Variants in CXXC5 observed in about 807,000 individuals in gnomAD.
CXXC5 encodes CXXC-type zinc finger protein 5.
Under a neutral mutation model 17.6 loss-of-function variants are expected in CXXC5, and 2 were observed. The observed-to-expected ratio is 0.11, with a 90% CI of 0.05 to 0.36. The LOEUF is 0.36. Ranked by LOEUF, CXXC5 falls within the 10% of genes least tolerant of loss-of-function variation. The probability of loss-of-function intolerance (pLI) is 1.00; values close to 1 mark genes in which losing one functional copy is unlikely to be tolerated. For synonymous variants in CXXC5, 171 were observed against 193.0 expected, an observed-to-expected ratio of 0.89 and a Z score of 0.94; for missense variants, 343 against 458.3, an observed-to-expected ratio of 0.75 and a Z score of 2.30.
Position 139,655,448 on chromosome 5 carries a change from C to T in CXXC5, c.-161+6603C>T, listed in dbSNP as rs532552913. On this transcript the variant is annotated intron_variant, in intron 1 of 2. Transcript: ENST00000302517. ...TCTGCCTGCCACCCCCCGCCGCCCCCCTGGGCATCCCTGCCGCTGAATTAC... is the reference window on the plus strand; with the variant it reads ...TCTGCCTGCCACCCCCCGCCGCCCCTCTGGGCATCCCTGCCGCTGAATTAC... Among the ~76,000 whole-genome samples the T allele has an allele frequency of 3.3e-5, 5 of 151,194 alleles. No homozygotes were observed. In the East Asian group the frequency reaches 9.8e-4, roughly 30 times the overall value.
chr5:139,671,476 C>T (rs1380636531), intron 1 of CXXC5, among the ~76,000 whole-genome samples: 1 of 152,220 alleles, frequency 6.6e-6, no homozygotes, highest in Non-Finnish European at 1.5e-5. Context: ...GCCCCCACCC[C>T]CCAGGAAACT....
At chr5:139,659,311 A>G (rs1043567803) in intron 1 of CXXC5, among the ~76,000 whole-genome samples, 2 of 152,152 alleles carry the variant, frequency 1.3e-5, no homozygotes, top group African/African-American at 4.8e-5. Flanking sequence ...GGAAAATCCC[A>G]GCTGTTGTCA....
rs371250993 is a variant in CXXC5 at position 139,682,845 on chromosome 5, G to T, written c.925-18G>T. The T allele has an allele frequency of 1.9e-6, 3 of 1,585,634 alleles. No homozygotes were observed. The African/African-American group carries it at 4.1e-5, about 22-fold the overall frequency. On this transcript the variant is annotated intron_variant, in intron 2 of 2. Transcript: ENST00000302517. Reference sequence around the variant, plus strand: ...CTGACTGAACTCTCTCCTTGTTTTTGTCTCCCGCCCCCGCCAGAAGGTGAT... The same window carrying T: ...CTGACTGAACTCTCTCCTTGTTTTTTTCTCCCGCCCCCGCCAGAAGGTGAT...
chr5:139,676,244 CCCA>C (rs1756787968), intron 1 of CXXC5, among the ~76,000 whole-genome samples: 1 of 89,058 alleles, frequency 1.1e-5, no homozygotes, highest in Non-Finnish European at 2.3e-5. Context: ...CACCCTCCTC[CCCA>C]CCTCCTCCAC....
intron 1 of CXXC5, among the ~76,000 whole-genome samples, chr5:139,679,030 G>C (rs781146390): frequency 2.0e-5 from 3 of 152,194 alleles, no homozygotes; most frequent in Non-Finnish European, 4.4e-5. Flanking sequence ...GCCCTGCCCC[G>C]GGATGGGCTG....
chr5:139,655,722 C>T (rs1413827714), intron 1 of CXXC5, among the ~76,000 whole-genome samples: 4 of 151,718 alleles, frequency 2.6e-5, no homozygotes, highest in Non-Finnish European at 4.4e-5. Flanking sequence ...TGCCTGTCCA[C>T]CCCCCAACCA....
Position 139,661,279 on chromosome 5 carries a change from C to G in CXXC5, c.-161+12434C>G, listed in dbSNP as rs1581582494. Among the ~76,000 whole-genome samples the G allele has an allele frequency of 6.6e-6, 1 of 152,198 alleles. No individual in the cohort carries two copies. Among genetic ancestry groups the G allele is most frequent in the East Asian group, 1.9e-4 (1 of 5,188 alleles). On this transcript the variant is annotated intron_variant, in intron 1 of 2. Transcript: ENST00000302517. The surrounding 1 kb of genome is among the most constrained non-coding windows in gnomAD (Gnocchi z 4.7). ...GCTCAGGAGACGTGAGTCACCCCAT[C>G]CCCAGCAGCCCCGAGAGGCCCTGCG...
intron 1 of CXXC5, among the ~76,000 whole-genome samples, chr5:139,660,667 C>T (rs532217881): frequency 6.6e-6 from 1 of 151,662 alleles, no homozygotes; most frequent in South Asian, 2.1e-4. Context: ...GTGGGCTCCT[C>T]AGCCTTCCCC....
Position 139,682,853 on chromosome 5 carries a change from C to G in CXXC5, c.925-10C>G, listed in dbSNP as rs773041071. On this transcript the variant is annotated splice_polypyrimidine_tract_variant and intron_variant, in intron 2 of 2. Coordinates refer to ENST00000302517, the MANE Select transcript of CXXC5 (RefSeq NM_016463.9). Reference sequence around the variant, plus strand: ...ACTCTCTCCTTGTTTTTGTCTCCCGCCCCCGCCAGAAGGTGATGCTTCCGA... The same window carrying G: ...ACTCTCTCCTTGTTTTTGTCTCCCGGCCCCGCCAGAAGGTGATGCTTCCGA... The G allele has an allele frequency of 2.5e-6, 4 of 1,590,940 alleles. No individual in the cohort carries two copies. The highest frequency in any genetic ancestry group is 3.4e-6 in the Non-Finnish European group (4 of 1,168,356).
At position 139,670,970 on chromosome 5, in the gene CXXC5, C is replaced by A. The variant is rs576221381; in HGVS notation, c.-160-9394C>A. ...TCGTCACCATACACACTCCAGCCCC[C>A]TGAGCCCGCTCCCAGGTGCCCAGCA... On this transcript the variant is annotated intron_variant, in intron 1 of 2. Transcript: ENST00000302517. This position sits in a 1 kb window ranked among gnomAD's most constrained non-coding sequence, Gnocchi z 4.2. 2.6e-5 allele frequency among the ~76,000 whole-genome samples: 4 copies of A among 152,346 alleles called. No individual in the cohort carries two copies. The highest frequency in any genetic ancestry group is 4.1e-4 in the South Asian group (2 of 4,830).
Position 139,680,765 on chromosome 5 carries a change from A to G in CXXC5, c.242A>G (p.His81Arg). The G allele has an allele frequency of 6.2e-7, 1 of 1,613,462 alleles. No individual in the cohort carries two copies. Among genetic ancestry groups the G allele is most frequent in the Non-Finnish European group, 8.5e-7 (1 of 1,179,992 alleles). ...CTGCGCCGCTCCCGCCCGCTCTCCCACTACTCTTCTTTTGGCAGCAGTGGT... is the reference window on the plus strand; with the variant it reads ...CTGCGCCGCTCCCGCCCGCTCTCCCGCTACTCTTCTTTTGGCAGCAGTGGT... ...KSLRRSRPLS[H>R]YSSFGSSGGS... Residue 81 changes from histidine to arginine, a missense_variant, in exon 2 of 3, where the codon CAC (histidine) becomes CGC (arginine). This residue lies in a region of CXXC5 where 297 missense variants were observed against 363.4 expected (regional missense o/e 0.82). Transcript: ENST00000302517.
At position 139,681,264 on chromosome 5, in the gene CXXC5, A is replaced by C. The variant is rs552101326; in HGVS notation, c.741A>C (p.Gly247=). 287 of 1,612,494 alleles carry C rather than the reference A, an allele frequency of 1.8e-4. 3 individuals carry two copies. The South Asian group carries it at 3.0e-3, about 17-fold the overall frequency. ...MAGLAEYPMQ[G]ELASAISSGK... The stretch of plus-strand genomic sequence containing the variant: ...GCCTGGCTGAGTACCCCATGCAGGG[A>C]GAGCTGGCCTCTGCCATCAGCTCCG... Residue 247 remains glycine (G), a synonymous_variant, in exon 2 of 3, where the codon GGA becomes GGC. Transcript: ENST00000302517.
At chr5:139,647,629 C>T (rs146782596), upstream of CXXC5, among the ~76,000 whole-genome samples, 1 of 152,152 alleles carries the variant, frequency 6.6e-6, no homozygotes, top group Non-Finnish European at 1.5e-5. Context: ...AGCATTGTTT[C>T]GGGTTTTGAG....
intron 1 of CXXC5, chr5:139,665,619 T>G (rs1028394995): frequency 6.6e-6 from 1 of 152,282 alleles, no homozygotes; most frequent in Non-Finnish European, 1.5e-5. Context: ...TGGAGACAGA[T>G]GTAATTATGG....
chr5:139,678,990 C>T (rs537640759), intron 1 of CXXC5, among the ~76,000 whole-genome samples: 7 of 152,356 alleles, frequency 4.6e-5, no homozygotes, highest in South Asian at 2.1e-4. Flanking sequence ...GCAGCTCAGA[C>T]GCCTTAGCCT....
chr5:139,674,099 T>TGG (rs1230008294), intron 1 of CXXC5, among the ~76,000 whole-genome samples: 1 of 152,080 alleles, frequency 6.6e-6, no homozygotes, highest in Non-Finnish European at 1.5e-5. Context: ...GGCCAGTGTG[T>TGG]GGGGGTATGT....
intron 1 of CXXC5, among the ~76,000 whole-genome samples, chr5:139,657,847 C>T (rs950734093): frequency 2.6e-5 from 4 of 152,154 alleles, no homozygotes; most frequent in Non-Finnish European, 5.9e-5. Context: ...GGCTTGGAAC[C>T]TGAGAAGCAG....
At chr5:139,649,499 A>G (rs2126728669) in intron 1 of CXXC5, 2 of 152,296 alleles carry the variant, frequency 1.3e-5, no homozygotes, top group Middle Eastern at 6.8e-3. Flanking sequence ...ACCACTTGGA[A>G]GAAGCGGCGG....
chr5:139,680,890 G>GTGGACA lies in CXXC5; in HGVS notation c.367_368insTGGACA (p.Ala123delinsValAspThr). Reference sequence around the variant, plus strand: ...GTTGGCCAATGGGCATGACCTGGCGGCGGCCATGGCGGTGGACAAAAGCAA... The same window carrying GTGGACA: ...GTTGGCCAATGGGCATGACCTGGCGGTGGACACGGCCATGGCGGTGGACAAAAGCAA... On this transcript the variant is annotated protein_altering_variant, in exon 2 of 3. Transcript: ENST00000302517. 6.2e-7 allele frequency: 1 copy of GTGGACA among 1,605,378 alleles called. No individual in the cohort carries two copies. The highest frequency in any genetic ancestry group is 8.5e-7 in the Non-Finnish European group (1 of 1,179,964).
Sources: allele counts gnomAD v4.1 joint callset (sites outside exome capture counted in the v4.1 genomes callset), GRCh38; gene constraint gnomAD v4.1.1; regional missense constraint gnomAD v4.1.1; non-coding constraint Gnocchi (gnomAD v3.1); transcripts MANE v1.5; gene names NCBI Gene and HGNC (gene_info 2026-07-23, HGNC 2026-07-21).